The following RABGAP1L variants were observed in gnomAD, a reference collection of about 807,000 sequenced individuals.
The protein encoded by RABGAP1L is rab GTPase-activating protein 1-like.
Under a neutral mutation model 137.7 loss-of-function variants are expected in RABGAP1L, and 63 were observed. The observed-to-expected ratio is 0.46, with a 90% CI of 0.37 to 0.56. The LOEUF (loss-of-function observed/expected upper bound fraction) is 0.56. Among genes scored for constraint, RABGAP1L ranks in the 20% least tolerant of loss-of-function variants. The probability of loss-of-function intolerance (pLI) is 0.00; values close to 1 mark genes in which losing one functional copy is unlikely to be tolerated. For synonymous variants in RABGAP1L, 431 were observed against 433.7 expected (o/e 0.99, Z 0.08); for missense variants, 1,095 against 1,244.0 (o/e 0.88, Z 1.80).
At chr1:174,358,240 G>T (rs1683810054) in intron 11 of RABGAP1L, among the ~76,000 whole-genome samples, 2 of 152,154 alleles carry the variant, frequency 1.3e-5, no homozygotes, top group Admixed American at 6.5e-5. Flanking sequence ...CAAAGAGAAG[G>T]TTTGGATTTT....
intron 13 of RABGAP1L, among the ~76,000 whole-genome samples, chr1:174,504,212 A>T (rs1661608800): frequency 6.6e-6 from 1 of 151,908 alleles, no homozygotes; most frequent in East Asian, 1.9e-4. Flanking sequence ...AGCTCAAGTG[A>T]TGTGCCCACC....
chr1:174,371,440 G>C (rs990463001), intron 12 of RABGAP1L, among the ~76,000 whole-genome samples: 1 of 151,898 alleles, frequency 6.6e-6, no homozygotes, highest in Non-Finnish European at 1.5e-5. Context: ...TTAAAACCAA[G>C]TCTATTACCA....
intron 18 of RABGAP1L, among the ~76,000 whole-genome samples, chr1:174,760,807 T>C (rs1685157890): frequency 6.6e-6 from 1 of 152,244 alleles, no homozygotes; most frequent in South Asian, 2.1e-4. Flanking sequence ...AAGCATTCTC[T>C]TTACTCTTCA....
intron 18 of RABGAP1L, among the ~76,000 whole-genome samples, chr1:174,763,433 G>A (rs1685396480): frequency 6.7e-6 from 1 of 149,276 alleles, no homozygotes; most frequent in Non-Finnish European, 1.5e-5. Flanking sequence ...GGCGGATCAC[G>A]AGGTCAGGAG....
At chr1:174,983,742 A>G (rs954287857) in intron 24 of RABGAP1L, among the ~76,000 whole-genome samples, 4 of 152,232 alleles carry the variant, frequency 2.6e-5, no homozygotes, top group Non-Finnish European at 5.9e-5. Context: ...AATATAAAGT[A>G]CATAGTGTAT....
chr1:174,623,042 A>G, intron 13 of RABGAP1L, among the ~76,000 whole-genome samples: 1 of 152,168 alleles, frequency 6.6e-6, no homozygotes, highest in East Asian at 1.9e-4. Flanking sequence ...CACTGATCTG[A>G]TACAGATTTT....
At chr1:174,198,102 A>AT (rs1219821871) in intron 1 of RABGAP1L, among the ~76,000 whole-genome samples, 1 of 152,216 alleles carries the variant, frequency 6.6e-6, no homozygotes, top group Admixed American at 6.5e-5. Flanking sequence ...GCTTATTATG[A>AT]CTTAGAAACA....
At chr1:174,299,579 G>A (rs1232253607) in intron 10 of RABGAP1L, among the ~76,000 whole-genome samples, 1 of 152,326 alleles carries the variant, frequency 6.6e-6, no homozygotes, top group East Asian at 1.9e-4. Flanking sequence ...ACCAGGCAGA[G>A]AGAAACAAAC....
At chr1:174,788,050 A>G (rs553885581) in intron 18 of RABGAP1L, among the ~76,000 whole-genome samples, 2 of 152,354 alleles carry the variant, frequency 1.3e-5, no homozygotes, top group African/African-American at 2.4e-5. Context: ...AAAGAAGCTT[A>G]CTAGACCTTA....
intron 19 of RABGAP1L, among the ~76,000 whole-genome samples, chr1:174,812,942 G>A (rs1256172050): frequency 6.6e-6 from 1 of 152,196 alleles, no homozygotes; most frequent in Non-Finnish European, 1.5e-5. Flanking sequence ...GGGTGGGCTT[G>A]AGAAACAGGA....
chr1:174,430,462 T>C (rs989147613), intron 13 of RABGAP1L, among the ~76,000 whole-genome samples: 3 of 152,148 alleles, frequency 2.0e-5, no homozygotes, highest in African/African-American at 7.2e-5. Flanking sequence ...AAACAATACC[T>C]AGCATGCAAT....
chr1:174,653,152 C>G (rs1456643883), intron 14 of RABGAP1L, among the ~76,000 whole-genome samples: 1 of 152,170 alleles, frequency 6.6e-6, no homozygotes, highest in East Asian at 1.9e-4. Flanking sequence ...CTCCCCCAAC[C>G]AAGCTGGAGT....
intron 13 of RABGAP1L, among the ~76,000 whole-genome samples, chr1:174,579,038 T>C (rs1485227476): frequency 6.6e-6 from 1 of 152,106 alleles, no homozygotes; most frequent in Admixed American, 6.6e-5. Context: ...AGAAATAAAA[T>C]ATGGAGACCT....
At position 174,456,903 on chromosome 1, in the gene RABGAP1L, GAATT is replaced by G. The variant is rs953679018; in HGVS notation, c.1710+62761_1710+62764del. ...CAAAGTCCAAATTTGGATTTAATCT[GAATT>G]AACCAGATATTTTTGCATTTCAAAT... On this transcript the variant is annotated intron_variant, in intron 13 of 25. Transcript: ENST00000681986. Among the ~76,000 whole-genome samples the G allele has an allele frequency of 1.9e-3, 290 of 152,158 alleles. 3 individuals are homozygous for G. Among genetic ancestry groups the G allele is most frequent in the African/African-American group, 6.8e-3 (284 of 41,538 alleles).
At chr1:174,307,622 C>T (rs1678419144) in intron 11 of RABGAP1L, among the ~76,000 whole-genome samples, 1 of 152,108 alleles carries the variant, frequency 6.6e-6, no homozygotes, top group African/African-American at 2.4e-5. Flanking sequence ...GTTTCATCTA[C>T]ATTGATACAT....
chr1:174,869,732 A>T (rs1183937817), intron 19 of RABGAP1L, among the ~76,000 whole-genome samples: 1 of 152,140 alleles, frequency 6.6e-6, no homozygotes, highest in Non-Finnish European at 1.5e-5. Flanking sequence ...AAGAGACGGG[A>T]TCTTTGACTG....
At chr1:174,603,074 G>A (rs1322956970) in intron 13 of RABGAP1L, among the ~76,000 whole-genome samples, 1 of 152,104 alleles carries the variant, frequency 6.6e-6, no homozygotes, top group Non-Finnish European at 1.5e-5. Flanking sequence ...GGGCTTGTTT[G>A]TTCCTGTCTT....
chr1:174,540,943 A>G (rs1665355867), intron 13 of RABGAP1L, among the ~76,000 whole-genome samples: 1 of 152,164 alleles, frequency 6.6e-6, no homozygotes, highest in Admixed American at 6.5e-5. Context: ...ATGTTCTTCC[A>G]TTTGTTTGTG....
At chr1:174,550,893 T>TATATATATATATAC (rs1666399635) in intron 13 of RABGAP1L, among the ~76,000 whole-genome samples, 1 of 55,494 alleles carries the variant, frequency 1.8e-5, no homozygotes, top group Non-Finnish European at 3.1e-5. Flanking sequence ...TATATATATA[T>TATATATATATATAC]ATACACACAC....
Sources: gnomAD v4.1 joint callset for allele counts (sites outside exome capture counted in the v4.1 genomes callset) on GRCh38, gnomAD v4.1.1 for gene constraint, MANE v1.5 for transcripts, NCBI Gene and HGNC (gene_info 2026-07-23, HGNC 2026-07-21) for gene names.